Variants in LRRC43 observed in about 807,000 individuals in gnomAD.
LRRC43 encodes leucine rich repeat containing 43.
In LRRC43, 62 loss-of-function variants were observed where a neutral mutation model predicts 64.3. That is an observed-to-expected ratio of 0.96 (90% CI 0.79 to 1.19). The LOEUF is 1.19. LRRC43 is among the 50% of genes most tolerant of loss of function. The pLI is 0.00. For missense variants in LRRC43, 868 were observed against 845.0 expected, an observed-to-expected ratio of 1.03 and a Z score of -0.34; for synonymous variants, 422 against 382.3, an observed-to-expected ratio of 1.10 and a Z score of -1.21.
chr12:122,190,116 T>C lies in LRRC43; in HGVS notation c.663-14T>C. ...TGGCTTCTTGACCCCCAGACGGTCC[T>C]GCTCACCTTCCAGGCCCAACCTCGT... On this transcript the variant is annotated splice_polypyrimidine_tract_variant and intron_variant, in intron 4 of 11. Transcript: ENST00000339777. The C allele has an allele frequency of 1.2e-6, 2 of 1,611,386 alleles. No homozygotes were observed. The highest frequency in any genetic ancestry group is 1.7e-6 in the Non-Finnish European group (2 of 1,177,596).
chr12:122,185,413 G>T (rs1054328374), intron 2 of LRRC43, among the ~76,000 whole-genome samples: 1 of 152,178 alleles, frequency 6.6e-6, no homozygotes, highest in African/African-American at 2.4e-5. Context: ...GGTAGAGGCT[G>T]CAGTGATCAT....
intron 10 of LRRC43, 48 bp from the exon 11 acceptor site, chr12:122,201,248 T>C: frequency 6.2e-7 from 1 of 1,602,448 alleles, no homozygotes; most frequent in African/African-American, 1.3e-5. Context: ...CCTTCTCTAG[T>C]ACCTCCCCTC....
Position 122,192,889 on chromosome 12 carries a change from T to G in LRRC43, c.1234T>G (p.Ser412Ala), listed in dbSNP as rs762587689. ...LESEVEESGE[S>A]ELSVISGPST... The stretch of plus-strand genomic sequence containing the variant: ...GTCTGAGGTGGAGGAGTCAGGAGAG[T>G]CGGAGCTGTCTGTCATCTCGGGGCC... Residue 412 changes from serine to alanine, a missense_variant, in exon 7 of 12, where the codon TCG becomes GCG. By Grantham distance (99) the Ser-to-Ala change is moderately conservative. Coordinates refer to ENST00000339777, the MANE Select transcript of LRRC43 (RefSeq NM_001098519.2). 3 of 1,613,682 alleles carry G rather than the reference T, an allele frequency of 1.9e-6. No individual in the cohort carries two copies. Among genetic ancestry groups the G allele is most frequent in the Non-Finnish European group, 2.5e-6 (3 of 1,179,936 alleles).
chr12:122,186,291 C>A lies in LRRC43; in HGVS notation c.513C>A (p.Pro171=), dbSNP rs370859960. The A allele has an allele frequency of 3.8e-5, 61 of 1,595,944 alleles. No individual in the cohort carries two copies. The African/African-American group carries it at 4.0e-4, about 11-fold the overall frequency. ...AGGTGGATGCCACCAATCTGCCCCC[C>A]ACACTCAAGGTGAAGGAGCCCCGGT... ...IKEVDATNLP[P]TLKVLELYGN... is the part of the protein sequence containing the mutation. The change falls in exon 3 of 12, where the codon CCC becomes CCA. Residue 171 remains proline (P), a synonymous_variant. Transcript: ENST00000339777.
chr12:122,203,259 G>A lies in LRRC43; in HGVS notation c.1844-56G>A, dbSNP rs569268446. 1.3e-5 allele frequency: 21 copies of A among 1,589,240 alleles called. No homozygotes were observed. The South Asian group carries it at 2.1e-4, about 16-fold the overall frequency. ...GCATATGGGATGGGTCAGGGCGGCC[G>A]AGAACGCCAGCCCATCCGTCTCCCG... On this transcript the variant is annotated intron_variant, in intron 11 of 11. Transcript: ENST00000339777.
intron 7 of LRRC43, among the ~76,000 whole-genome samples, chr12:122,195,342 G>A (rs1344074154): frequency 6.6e-6 from 1 of 151,720 alleles, no homozygotes; most frequent in African/African-American, 2.4e-5. Context: ...TTTGCTTCCT[G>A]GGTTCAAGCA....
At chr12:122,183,833 C>G (rs1393889572) in intron 1 of LRRC43, among the ~76,000 whole-genome samples, 1 of 152,134 alleles carries the variant, frequency 6.6e-6, no homozygotes, top group East Asian at 1.9e-4. Flanking sequence ...AGCATAGTGA[C>G]GCGATGTCGA....
intron 7 of LRRC43, among the ~76,000 whole-genome samples, chr12:122,199,628 G>A (rs769348243): frequency 9.9e-5 from 15 of 151,440 alleles, no homozygotes; most frequent in Non-Finnish European, 2.1e-4. Flanking sequence ...TTGTCGCCCG[G>A]GATCGAGTAC....
rs773762385 is a variant in LRRC43 at position 122,189,486 on chromosome 12, G to A, written c.663-644G>A. The A allele has an allele frequency of 1.2e-4, 53 of 456,598 alleles. 1 individual carries two copies. Among genetic ancestry groups the A allele is most frequent in the Non-Finnish European group, 2.1e-4 (48 of 226,976 alleles). The allele number at this position is 456,598 out of a possible 1,614,324, so 28.3% of individuals were successfully genotyped here. The stretch of plus-strand genomic sequence containing the variant: ...GTGTTTTTCTTCTGTTCTCAGAGCC[G>A]AGATCAATTTGCTTTCTAGTTTGTG... On this transcript the variant is annotated intron_variant, in intron 4 of 11. Transcript: ENST00000339777.
intron 1 of LRRC43, chr12:122,173,969 G>C: frequency 6.2e-7 from 1 of 1,614,150 alleles, no homozygotes; most frequent in South Asian, 1.1e-5. Flanking sequence ...CAGCAGAACA[G>C]AAAGAGCACA....
intron 1 of LRRC43, among the ~76,000 whole-genome samples, chr12:122,168,903 C>T (rs1304145447): frequency 6.6e-6 from 1 of 152,154 alleles, no homozygotes; most frequent in Non-Finnish European, 1.5e-5. Flanking sequence ...GACCCTGACA[C>T]TTTTGAAGAG....
At chr12:122,171,770 T>C (rs1953487580) in intron 1 of LRRC43, among the ~76,000 whole-genome samples, 1 of 151,618 alleles carries the variant, frequency 6.6e-6, no homozygotes, top group Non-Finnish European at 1.5e-5. Flanking sequence ...GGTCTCACTA[T>C]GTTGCCCAGG....
At chr12:122,192,674 GAC>G in intron 6 of LRRC43, 69 bp from the exon 7 acceptor site, 1 of 1,555,846 alleles carries the variant, frequency 6.4e-7, no homozygotes, top group Non-Finnish European at 8.8e-7. Flanking sequence ...CTGTGTTACA[GAC>G]ACCCCCGGCA....
intron 7 of LRRC43, among the ~76,000 whole-genome samples, 161 bp downstream of exon 7, chr12:122,193,165 G>A (rs963250992): frequency 6.6e-6 from 1 of 151,808 alleles, no homozygotes; most frequent in Non-Finnish European, 1.5e-5. Context: ...CGGATCACGA[G>A]GTCAGGAGAT....
At chr12:122,180,755 C>T (rs1953574650), upstream of LRRC43, among the ~76,000 whole-genome samples, 1 of 152,134 alleles carries the variant, frequency 6.6e-6, no homozygotes, top group African/African-American at 2.4e-5. Flanking sequence ...CGCCCATTGG[C>T]ATCTGGACCT....
At chr12:122,191,621 G>A in intron 6 of LRRC43, 54 bp downstream of exon 6, 1 of 1,358,242 alleles carries the variant, frequency 7.4e-7, no homozygotes, top group South Asian at 1.4e-5. Flanking sequence ...AGGCTGAACT[G>A]CTTTGTGGGC....
chr12:122,187,653 C>A (rs749100969), intron 3 of LRRC43, 48 bp from the exon 4 acceptor site: 3 of 1,590,260 alleles, frequency 1.9e-6, no homozygotes, highest in Non-Finnish European at 2.6e-6. Flanking sequence ...TGATCCTCAG[C>A]GCTGACTTGG....
chr12:122,199,912 T>TG (rs1163348769), intron 7 of LRRC43, among the ~76,000 whole-genome samples: 2 of 152,186 alleles, frequency 1.3e-5, no homozygotes, highest in Non-Finnish European at 2.9e-5. Flanking sequence ...AAACAACTCT[T>TG]GCTGCCTTTC....
chr12:122,183,183 T>C lies in LRRC43; in HGVS notation c.39T>C (p.Ser13=). ...ACGAGTCCGAGTCCGAGTCCGAGTC[T>C]GAGGCCGGGCCTGGGACTCAGCGGC... The part of the protein sequence containing the change: ...ASYESESESE[S]EAGPGTQRPG... The change falls in exon 1 of 12, where the codon TCT becomes TCC. Residue 13 remains serine, a synonymous_variant. Transcript: ENST00000339777. 3.2e-6 allele frequency: 5 copies of C among 1,559,410 alleles called. No homozygotes were observed. Among genetic ancestry groups the C allele is most frequent in the Non-Finnish European group, 4.3e-6 (5 of 1,160,002 alleles).
Sources: allele counts gnomAD v4.1 joint callset (sites outside exome capture counted in the v4.1 genomes callset), GRCh38; gene constraint gnomAD v4.1.1; transcripts MANE v1.5; gene names NCBI Gene and HGNC (gene_info 2026-07-23, HGNC 2026-07-21).